SPATA4: variants seen among roughly 807,000 people sequenced by gnomAD.
The protein encoded by SPATA4 is spermatogenesis associated 4.
A neutral mutation model predicts 31.8 loss-of-function variants in SPATA4; 35 were observed. The observed-to-expected ratio is 1.10, with a 90% confidence interval of 0.84 to 1.46. The LOEUF (loss-of-function observed/expected upper bound fraction) is 1.46. Ranked by LOEUF, SPATA4 falls within the 40% of genes most tolerant of loss-of-function variation. The probability of loss-of-function intolerance (pLI) is 0.00; values close to 1 mark genes in which losing one functional copy is unlikely to be tolerated. For missense variants in SPATA4, 394 were observed against 363.1 expected (o/e 1.09, Z -0.69); for synonymous variants, 126 against 132.4 (o/e 0.95, Z 0.33).
At position 176,184,835 on chromosome 4, in the gene SPATA4, T is replaced by C. The variant is rs750156432; in HGVS notation, c.863A>G (p.Gln288Arg). 2.5e-6 allele frequency: 4 copies of C among 1,605,024 alleles called. No individual in the cohort carries two copies. The East Asian group carries it at 9.0e-5, about 36-fold the overall frequency. Reference protein sequence around the residue: ...HREIHVKQAGQHSYYSAMKPI... With the variant: ...HREIHVKQAGRHSYYSAMKPI... ...TTTCATAGCAGAGTAATAAGAATGT[T>C]GTCCAGCTTGCTTCACATGTATTTC... Residue 288 changes from glutamine (Q) to arginine (R), a missense_variant, in exon 6 of 6, where the codon CAA (glutamine) becomes CGA (arginine). By Grantham distance (43) the Gln-to-Arg change is conservative. Coordinates refer to ENST00000280191, the MANE Select transcript of SPATA4 (RefSeq NM_144644.4).
At chr4:176,186,288 A>C (rs1752440139) in intron 5 of SPATA4, among the ~76,000 whole-genome samples, 1 of 152,124 alleles carries the variant, frequency 6.6e-6, no homozygotes, top group African/African-American at 2.4e-5. Flanking sequence ...AAAGCAGGTG[A>C]CCCTGCTCTT....
intron 4 of SPATA4, among the ~76,000 whole-genome samples, chr4:176,191,179 T>TA (rs1195445750): frequency 2.0e-5 from 3 of 150,662 alleles, no homozygotes; most frequent in African/African-American, 7.3e-5. Context: ...CACTGCAACC[T>TA]AAGCCTCCTG....
At chr4:176,186,169 C>T (rs892825778) in intron 5 of SPATA4, among the ~76,000 whole-genome samples, 5 of 152,174 alleles carry the variant, frequency 3.3e-5, no homozygotes, top group African/African-American at 9.7e-5. Flanking sequence ...ATTCAAATAT[C>T]AGCAGGCATC....
intron 4 of SPATA4, among the ~76,000 whole-genome samples, chr4:176,189,185 A>G (rs1377516773): frequency 2.6e-5 from 4 of 152,222 alleles, no homozygotes; most frequent in Non-Finnish European, 5.9e-5. Context: ...ATATAACTGG[A>G]CAGAACTGAA....
intron 1 of SPATA4, 32 bp downstream of exon 1, chr4:176,195,313 C>CGGGG: frequency 1.2e-6 from 2 of 1,603,304 alleles, no homozygotes. Context: ...GGGCGCCCAC[C>CGGGG]GGGGGGGCCT....
intron 4 of SPATA4, 49 bp downstream of exon 4, chr4:176,192,578 T>C (rs770627063): frequency 1.9e-5 from 29 of 1,493,498 alleles, no homozygotes; most frequent in South Asian, 5.7e-5. Flanking sequence ...TGCTCAAGAA[T>C]AGCCTGATAG....
At chr4:176,191,929 G>T (rs1353218305) in intron 4 of SPATA4, among the ~76,000 whole-genome samples, 1 of 152,154 alleles carries the variant, frequency 6.6e-6, no homozygotes, top group East Asian at 1.9e-4. Context: ...ACCTACATCT[G>T]CCTCTTTTCC....
chr4:176,187,957 C>T (rs1035317746), intron 5 of SPATA4, among the ~76,000 whole-genome samples, 162 bp downstream of exon 5: 4 of 152,168 alleles, frequency 2.6e-5, no homozygotes, highest in Non-Finnish European at 5.9e-5. Flanking sequence ...CACATGTTCC[C>T]TTCACTTATC....
chr4:176,190,591 T>C (rs982151591), intron 4 of SPATA4, among the ~76,000 whole-genome samples: 2 of 152,194 alleles, frequency 1.3e-5, no homozygotes, highest in African/African-American at 2.4e-5. Flanking sequence ...TTTGGCAGAA[T>C]GCAGTTTCTT....
At position 176,193,523 on chromosome 4, in the gene SPATA4, A is replaced by G; in HGVS notation, c.278T>C (p.Leu93Pro). Residue 93 changes from leucine to proline, a missense_variant, in exon 2 of 6, where the codon CTT (leucine) becomes CCT (proline). Transcript: ENST00000280191. ...CCCGTTTTCAAAGGATGATAATTCA[A>G]GTTCCCAGGGGTAATATATACAGAA... ...EIFCIYYPWE[L>P]ELSSFENGTS... is the part of the protein sequence containing the mutation. 1 of 1,613,736 alleles carries G rather than the reference A, an allele frequency of 6.2e-7. No homozygotes were observed. The highest frequency in any genetic ancestry group is 8.5e-7 in the Non-Finnish European group (1 of 1,179,928).
intron 4 of SPATA4, 138 bp from the exon 5 acceptor site, chr4:176,188,373 T>A: frequency 1.7e-6 from 1 of 592,020 alleles, no homozygotes; most frequent in African/African-American, 1.9e-5. Flanking sequence ...AATACCTAGG[T>A]TAATAGTCCC....
chr4:176,188,098 A>G lies in SPATA4; in HGVS notation c.805+21T>C. On this transcript the variant is annotated intron_variant, in intron 5 of 5. Transcript: ENST00000280191. The stretch of plus-strand genomic sequence containing the variant: ...CAAGCAAAAAAAAATCAATTTTAAG[A>G]AGCAAAGAGTTAAAACTTACGTAAA... 2.6e-6 allele frequency: 4 copies of G among 1,528,694 alleles called. 1 individual carries two copies. The highest frequency in any genetic ancestry group is 3.5e-5 in the Admixed American group (2 of 57,766). 94.7% of individuals were successfully genotyped at this position (1,528,694 alleles called of 1,614,324 possible).
At chr4:176,192,377 C>T (rs974606834) in intron 4 of SPATA4, among the ~76,000 whole-genome samples, 6 of 152,190 alleles carry the variant, frequency 3.9e-5, no homozygotes, top group African/African-American at 1.4e-4. Flanking sequence ...AAGAATTTTT[C>T]ATACACATAT....
intron 4 of SPATA4, 90 bp from the exon 5 acceptor site, chr4:176,188,325 T>G (rs1386462478): frequency 2.4e-6 from 2 of 829,324 alleles, no homozygotes; most frequent in African/African-American, 3.5e-5. Flanking sequence ...TTAAGTAAAT[T>G]ATTTAAATTT....
intron 4 of SPATA4, among the ~76,000 whole-genome samples, chr4:176,189,021 T>C (rs1411793274): frequency 6.6e-6 from 1 of 152,210 alleles, no homozygotes; most frequent in Non-Finnish European, 1.5e-5. Context: ...GAATCAAGAC[T>C]GGAAAAAGAG....
chr4:176,193,690 A>G (rs1752569257), intron 1 of SPATA4, 108 bp from the exon 2 acceptor site: 1 of 1,187,686 alleles, frequency 8.4e-7, no homozygotes, highest in African/African-American at 1.6e-5. Context: ...TATCTTGTAA[A>G]GTGAGTGTTG....
In SPATA4 at chr4:176,192,550, C is replaced by T. The variant is rs111739924; in HGVS notation, c.688+77G>A. ...AGAAGATAGCAAAATGGGCCAGTGC[C>T]GACATTTCTTTCATCTGTGCTCAAG... On this transcript the variant is annotated intron_variant, in intron 4 of 5. Transcript: ENST00000280191. The T allele has an allele frequency of 5.6e-6, 7 of 1,257,406 alleles. No homozygotes were observed. Among genetic ancestry groups the T allele is most frequent in the Admixed American group, 1.9e-5 (1 of 52,806 alleles). 77.9% of individuals were successfully genotyped at this position (1,257,406 alleles called of 1,614,324 possible). A position where few individuals can be genotyped will look rare whatever the true frequency, so the allele number is the denominator to read the frequency against.
intron 1 of SPATA4, chr4:176,193,792 CTG>C (rs1752571009): frequency 2.5e-6 from 1 of 405,344 alleles, no homozygotes; most frequent in Non-Finnish European, 4.2e-6. Context: ...TGAACCCAAA[CTG>C]TTAATTTGTA....
intron 5 of SPATA4, 150 bp from the exon 6 acceptor site, chr4:176,185,042 T>G (rs1057314989): frequency 2.0e-6 from 1 of 491,432 alleles, no homozygotes; most frequent in Non-Finnish European, 3.6e-6. Flanking sequence ...ACAAGAATAT[T>G]TAAATCACGC....
Sources: gnomAD v4.1 joint callset for allele counts (sites outside exome capture counted in the v4.1 genomes callset) on GRCh38, gnomAD v4.1.1 for gene constraint, MANE v1.5 for transcripts, NCBI Gene and HGNC (gene_info 2026-07-23, HGNC 2026-07-21) for gene names.